Variants in TOX3 observed in about 807,000 individuals in gnomAD.
TOX3 encodes the protein CAG trinucleotide repeat-containing gene F9 protein.
A neutral mutation model predicts 64.3 loss-of-function variants in TOX3; 22 were observed. The ratio of observed to expected loss-of-function variants is 0.34; its 90% CI spans 0.24 to 0.49. The LOEUF is 0.49. Ranked by LOEUF, TOX3 falls within the 20% of genes least tolerant of loss-of-function variation. TOX3 has a pLI of 0.99. For missense variants in TOX3, 661 were observed against 714.4 expected (o/e 0.93, Z 0.85); for synonymous variants, 291 against 273.6 (o/e 1.06, Z -0.63).
In TOX3 at chr16:52,439,787, A is replaced by G; in HGVS notation, c.1169T>C (p.Met390Thr). ...GACAATCTGGTTCATGGGGAGTCTC[A>G]TGGTTAAGGGTTTGGGAGCGATTGA... Reference protein sequence around the residue: ...PRSIAPKPLTMRLPMNQIVTS... With the variant: ...PRSIAPKPLTTRLPMNQIVTS... Residue 390 changes from methionine (M) to threonine (T), a missense_variant, in exon 7 of 7, where the codon ATG becomes ACG. Met to Thr is a moderately conservative substitution (Grantham distance 81, BLOSUM62 -1). Coordinates refer to ENST00000219746, the MANE Select transcript of TOX3 (RefSeq NM_001080430.4). The G allele has an allele frequency of 6.2e-7, 1 of 1,613,844 alleles. No individual in the cohort carries two copies. The highest frequency in any genetic ancestry group is 8.5e-7 in the Non-Finnish European group (1 of 1,179,844).
chr16:52,440,752 CTTTTTTTTTT>C (rs60615310), intron 6 of TOX3, among the ~76,000 whole-genome samples: 2 of 66,606 alleles, frequency 3.0e-5, no homozygotes, highest in African/African-American at 9.8e-5. Flanking sequence ...TTCTTTCTTT[CTTTTTTTTTT>C]TTTTTTTTTT....
At position 52,450,562 on chromosome 16, in the gene TOX3, CA is replaced by C. The variant is rs1438803147; in HGVS notation, c.409-17del. ...GGCTCTGATCCTAGAAAGGCAGCAA[CA>C]AAGGGGGAAAATATTTCAGCTTTTC... On this transcript the variant is annotated splice_polypyrimidine_tract_variant and intron_variant, in intron 3 of 6. Transcript: ENST00000219746. The C allele has an allele frequency of 6.2e-7, 1 of 1,613,022 alleles. No homozygotes were observed. The highest frequency in any genetic ancestry group is 8.5e-7 in the Non-Finnish European group (1 of 1,179,310).
intron 4 of TOX3, 39 bp downstream of exon 4, chr16:52,450,238 T>C: frequency 6.2e-7 from 1 of 1,610,980 alleles, no homozygotes; most frequent in Non-Finnish European, 8.5e-7. Context: ...TAATCCCATA[T>C]TCTCTGGCAG....
chr16:52,455,892 G>T (rs1051961356), intron 3 of TOX3, among the ~76,000 whole-genome samples: 1 of 152,100 alleles, frequency 6.6e-6, no homozygotes, highest in Non-Finnish European at 1.5e-5. Flanking sequence ...GTGTAAGGTG[G>T]GGAAATCATG....
intron 1 of TOX3, among the ~76,000 whole-genome samples, chr16:52,542,874 C>T (rs955247986): frequency 3.9e-5 from 6 of 152,160 alleles, no homozygotes; most frequent in Non-Finnish European, 8.8e-5. Context: ...TTCTTTTGCC[C>T]TTCAAGCTAG....
chr16:52,535,534 G>T (rs571977563), intron 1 of TOX3, among the ~76,000 whole-genome samples: 1 of 152,290 alleles, frequency 6.6e-6, no homozygotes, highest in Non-Finnish European at 1.5e-5. Flanking sequence ...TGTTTAAGAA[G>T]CCTCCATACT....
At chr16:52,538,138 A>C (rs920713795) in intron 1 of TOX3, among the ~76,000 whole-genome samples, 11 of 152,176 alleles carry the variant, frequency 7.2e-5, no homozygotes, top group African/African-American at 2.7e-4. Context: ...GTCAAATAAT[A>C]AGGGTTGAAT....
intron 1 of TOX3, among the ~76,000 whole-genome samples, chr16:52,537,640 C>T (rs991167220): frequency 1.3e-5 from 2 of 152,132 alleles, no homozygotes. Flanking sequence ...CTGCTCCATA[C>T]TCTTAGCTCC....
chr16:52,499,383 G>A (rs1032633912), intron 1 of TOX3, among the ~76,000 whole-genome samples: 1 of 152,162 alleles, frequency 6.6e-6, no homozygotes, highest in African/African-American at 2.4e-5. Context: ...TACTCAAAAC[G>A]TTAACTAAAG....
intron 6 of TOX3, among the ~76,000 whole-genome samples, chr16:52,441,281 T>C (rs946225134): frequency 1.4e-4 from 22 of 152,242 alleles, no homozygotes; most frequent in African/African-American, 5.3e-4. Flanking sequence ...AAAACCATTA[T>C]TGGTTTCCTC....
chr16:52,436,833 G>A lies in TOX3; in HGVS notation c.*2392C>T, dbSNP rs1007350420. 1 of 152,182 alleles carries A rather than the reference G, an allele frequency of 6.6e-6. No individual in the cohort carries two copies. The highest frequency in any genetic ancestry group is 1.9e-4 in the East Asian group (1 of 5,196). 9.4% of individuals were successfully genotyped at this position (152,182 alleles called of 1,614,324 possible). A position where few individuals can be genotyped will look rare whatever the true frequency, so the allele number is the denominator to read the frequency against. Reference sequence around the variant, plus strand: ...CACTTGCAATTAAGTCTTATCACTAGTGACATTTTTTTCCAAGCAATACTT... The same window carrying A: ...CACTTGCAATTAAGTCTTATCACTAATGACATTTTTTTCCAAGCAATACTT... On this transcript the variant is annotated 3_prime_UTR_variant, in exon 7 of 7. Coordinates refer to ENST00000219746, the MANE Select transcript of TOX3 (RefSeq NM_001080430.4).
At chr16:52,513,075 C>T (rs2151473227) in intron 1 of TOX3, among the ~76,000 whole-genome samples, 1 of 152,298 alleles carries the variant, frequency 6.6e-6, no homozygotes, top group Non-Finnish European at 1.5e-5. Context: ...ATAATGCAAA[C>T]AAACAGCAAC....
chr16:52,543,826 AC>A (rs1413106503), intron 1 of TOX3, among the ~76,000 whole-genome samples: 1 of 152,210 alleles, frequency 6.6e-6, no homozygotes, highest in African/African-American at 2.4e-5. Context: ...TTTCATGAGC[AC>A]TGACATTTGA....
At chr16:52,546,049 C>T (rs953097497) in intron 1 of TOX3, among the ~76,000 whole-genome samples, 1 of 152,064 alleles carries the variant, frequency 6.6e-6, no homozygotes, top group Non-Finnish European at 1.5e-5. Context: ...GCGGGCACCC[C>T]GGTTCCGAGG....
intron 1 of TOX3, among the ~76,000 whole-genome samples, chr16:52,537,878 T>TAAAAAAAAAAAAAAAAAAA (rs57403617): frequency 1.1e-4 from 12 of 111,006 alleles, no homozygotes; most frequent in Non-Finnish European, 1.5e-4. Flanking sequence ...GCTGATATGA[T>TAAAAAAAAAAAAAAAAAAA]AAAAAAAAAA....
chr16:52,546,526 G>T (rs1963192210), intron 1 of TOX3, 111 bp downstream of exon 1: 5 of 944,756 alleles, frequency 5.3e-6, no homozygotes, highest in Non-Finnish European at 7.7e-6. Flanking sequence ...GAAGAGACAT[G>T]GGAGGAAAGA....
At chr16:52,464,815 A>C (rs1442001640) in intron 2 of TOX3, among the ~76,000 whole-genome samples, 3 of 152,046 alleles carry the variant, frequency 2.0e-5, no homozygotes, top group Non-Finnish European at 4.4e-5. Context: ...AACTACAAAG[A>C]GGGTTATTTT....
intron 1 of TOX3, among the ~76,000 whole-genome samples, chr16:52,470,908 T>C (rs778171723): frequency 3.3e-5 from 5 of 152,204 alleles, no homozygotes; most frequent in South Asian, 4.1e-4. Flanking sequence ...GGAACAGTTA[T>C]AAATCACTTC....
At chr16:52,485,490 G>T (rs1207014711) in intron 1 of TOX3, among the ~76,000 whole-genome samples, 1 of 151,830 alleles carries the variant, frequency 6.6e-6, no homozygotes, top group African/African-American at 2.4e-5. Flanking sequence ...CCAAAAGGAC[G>T]TTGGGGGGTG....
Sources: gnomAD v4.1 joint callset for allele counts (sites outside exome capture counted in the v4.1 genomes callset) on GRCh38, gnomAD v4.1.1 for gene constraint, MANE v1.5 for transcripts, NCBI Gene and HGNC (gene_info 2026-07-23, HGNC 2026-07-21) for gene names.